Variants in HEATR5A observed in about 807,000 individuals in gnomAD.
HEATR5A encodes the protein HEAT repeat containing 5A.
In HEATR5A, 178 loss-of-function variants were observed where a neutral mutation model predicts 218.8. The observed-to-expected ratio is 0.81, with a 90% CI of 0.72 to 0.92. The LOEUF (loss-of-function observed/expected upper bound fraction) is 0.92. Among genes scored for constraint, HEATR5A ranks in the 40% least tolerant of loss-of-function variants. The pLI is 0.00. For missense variants in HEATR5A, 2,420 were observed against 2,418.9 expected, an observed-to-expected ratio of 1.00 and a Z score of -0.01; for synonymous variants, 864 against 871.6, an observed-to-expected ratio of 0.99 and a Z score of 0.15.
chr14:31,398,577 T>C (rs2030748356), intron 4 of HEATR5A, 96 bp downstream of exon 4: 2 of 632,892 alleles, frequency 3.2e-6, no homozygotes, highest in Non-Finnish European at 2.7e-6. Flanking sequence ...TATCTACATA[T>C]GCTTGACATA....
chr14:31,294,242 C>T, intron 34 of HEATR5A, 138 bp from the exon 35 acceptor site: 1 of 624,458 alleles, frequency 1.6e-6, no homozygotes, highest in Non-Finnish European at 2.8e-6. Flanking sequence ...GTCCAAGGGC[C>T]AACAGGTAAT....
Position 31,321,618 on chromosome 14 carries a change from G to A in HEATR5A, c.3850C>T (p.His1284Tyr). 6.2e-7 allele frequency: 1 copy of A among 1,610,162 alleles called. No individual in the cohort carries two copies. Among genetic ancestry groups the A allele is most frequent in the Non-Finnish European group, 8.5e-7 (1 of 1,178,404 alleles). The change falls in exon 25 of 36, where the codon CAC becomes TAC. Residue 1284 changes from histidine to tyrosine, a missense_variant. By Grantham distance (83) the His-to-Tyr change is moderately conservative. Transcript: ENST00000543095. ...CCAGAAAGACGGAGCTGGTCACTGT[G>A]ATCTGTGGCAGCCATAAAAGCCATG... is the stretch of plus-strand genomic sequence containing the variant. ...IRMAFMAATD[H>Y]SDQLRLSGLE...
intron 13 of HEATR5A, among the ~76,000 whole-genome samples, chr14:31,365,169 G>T (rs988413174): frequency 6.6e-6 from 1 of 151,964 alleles, no homozygotes; most frequent in South Asian, 2.1e-4. Flanking sequence ...CACTGCACCC[G>T]GCCAGGACTA....
At chr14:31,351,519 A>AAAC (rs980513520) in intron 16 of HEATR5A, among the ~76,000 whole-genome samples, 1 of 152,172 alleles carries the variant, frequency 6.6e-6, no homozygotes, top group Non-Finnish European at 1.5e-5. Context: ...AAAAAAAAAA[A>AAAC]AACAATAAAA....
intron 1 of HEATR5A, among the ~76,000 whole-genome samples, chr14:31,414,755 A>T (rs2031390346): frequency 6.6e-6 from 1 of 152,124 alleles, no homozygotes; most frequent in African/African-American, 2.4e-5. Flanking sequence ...CTTACATCCC[A>T]GTTAGAATTC....
intron 22 of HEATR5A, among the ~76,000 whole-genome samples, chr14:31,336,239 T>TAC (rs2139192182): frequency 8.2e-6 from 1 of 121,730 alleles, no homozygotes; most frequent in South Asian, 2.5e-4. Flanking sequence ...TATATATATA[T>TAC]ATATATATAT....
intron 22 of HEATR5A, among the ~76,000 whole-genome samples, chr14:31,334,150 GAA>G (rs35291926): frequency 0.033 from 4,931 of 149,766 alleles, 257 homozygotes; most frequent in African/African-American, 0.11. Context: ...TTACTGCTCA[GAA>G]AAAAAAAAAG....
chr14:31,377,933 G>A (rs1025953706), intron 11 of HEATR5A, among the ~76,000 whole-genome samples: 7 of 152,086 alleles, frequency 4.6e-5, no homozygotes, highest in African/African-American at 9.7e-5. Context: ...TGCATATGCC[G>A]TAAAATATGA....
chr14:31,300,141 T>C lies in HEATR5A; in HGVS notation c.5464+2154A>G, dbSNP rs539751243. 2.0e-5 allele frequency among the ~76,000 whole-genome samples: 3 copies of C among 152,218 alleles called. No individual in the cohort carries two copies. In the South Asian group the frequency reaches 6.2e-4, roughly 32 times the overall value. ...TGGCCCCATGTACCATCCAACTTCA[T>C]TTCTTTCCCTACTAATTGCCATTCA... is the stretch of plus-strand genomic sequence containing the variant. On this transcript the variant is annotated intron_variant, in intron 33 of 35. Transcript: ENST00000543095.
intron 22 of HEATR5A, among the ~76,000 whole-genome samples, chr14:31,336,263 T>A (rs12886123): frequency 5.7e-4 from 69 of 121,652 alleles, no homozygotes; most frequent in Middle Eastern, 4.3e-3. Flanking sequence ...TATATATATA[T>A]AATTTTTAAA....
In HEATR5A at chr14:31,324,972, T is replaced by C. The variant is rs78776391; in HGVS notation, c.3548-1168A>G. 7.2e-3 allele frequency among the ~76,000 whole-genome samples: 1,100 copies of C among 152,246 alleles called. 11 individuals are homozygous for C. Among genetic ancestry groups the C allele is most frequent in the African/African-American group, 0.025 (1,058 of 41,554 alleles). On this transcript the variant is annotated intron_variant, in intron 23 of 35. Transcript: ENST00000543095. ...GTTAACTTTTCTCCTATCACACAATTCAGACATGAGAGCTACATTAAATTC... is the reference window on the plus strand; with the variant it reads ...GTTAACTTTTCTCCTATCACACAATCCAGACATGAGAGCTACATTAAATTC...
At chr14:31,379,376 G>A (rs1032144138) in intron 11 of HEATR5A, among the ~76,000 whole-genome samples, 3 of 151,398 alleles carry the variant, frequency 2.0e-5, no homozygotes, top group Non-Finnish European at 2.9e-5. Context: ...TCAGCTTCCC[G>A]AGTAGCTGGG....
Position 31,337,523 on chromosome 14 carries a change from TCTGAAACTTCAGCTG to T in HEATR5A, c.3305_3319del (p.Ala1102_Ser1106del). 6.4e-7 allele frequency: 1 copy of T among 1,562,370 alleles called. No homozygotes were observed. Among genetic ancestry groups the T allele is most frequent in the Non-Finnish European group, 8.7e-7 (1 of 1,152,676 alleles). On this transcript the variant is annotated inframe_deletion, in exon 22 of 36. Coordinates refer to ENST00000543095, the MANE Select transcript of HEATR5A (RefSeq NM_015473.4). Reference sequence around the variant, plus strand: ...ATCCTTAGCAAGCATAACAGCATGTTCTGAAACTTCAGCTGCTTCTCTTTGTACAAGCTGACGTAA... The same window carrying T: ...ATCCTTAGCAAGCATAACAGCATGTTCTTCTCTTTGTACAAGCTGACGTAA...
At chr14:31,323,843 GAA>G (rs1162362326) in intron 23 of HEATR5A, 39 bp from the exon 24 acceptor site, 1 of 1,265,956 alleles carries the variant, frequency 7.9e-7, no homozygotes, top group Non-Finnish European at 1.1e-6. Context: ...ATAATCAACT[GAA>G]AGATATATAT....
intron 21 of HEATR5A, among the ~76,000 whole-genome samples, chr14:31,343,675 CA>C (rs1450999507): frequency 6.6e-6 from 1 of 152,046 alleles, no homozygotes; most frequent in Non-Finnish European, 1.5e-5. Context: ...TTCCAAATAT[CA>C]AGTACAACAA....
In HEATR5A at chr14:31,313,234, G is replaced by A. The variant is rs766008405; in HGVS notation, c.4219-44C>T. The A allele has an allele frequency of 2.1e-6, 3 of 1,442,826 alleles. No homozygotes were observed. In the South Asian group the frequency reaches 3.6e-5, roughly 17 times the overall value. The allele number at this position is 1,442,826 out of a possible 1,614,324, so 89.4% of individuals were successfully genotyped here. ...AAAACAGGAAAATCTTTTATCTGCT[G>A]AAAAGGTGCTATAAAATTTTTATAT... On this transcript the variant is annotated intron_variant, in intron 27 of 35. Coordinates refer to ENST00000543095, the MANE Select transcript of HEATR5A (RefSeq NM_015473.4).
chr14:31,417,153 TA>T (rs1349693025), intron 1 of HEATR5A, among the ~76,000 whole-genome samples: 1 of 152,036 alleles, frequency 6.6e-6, no homozygotes, highest in Admixed American at 6.6e-5. Context: ...AATGGCATAG[TA>T]AAAAGAGAGA....
chr14:31,408,627 C>T (rs952160705), intron 1 of HEATR5A, among the ~76,000 whole-genome samples: 1 of 151,884 alleles, frequency 6.6e-6, no homozygotes, highest in Non-Finnish European at 1.5e-5. Context: ...AACTTAAGTA[C>T]CAGTCTTCAA....
intron 6 of HEATR5A, among the ~76,000 whole-genome samples, chr14:31,391,067 T>A (rs10151694): frequency 0.082 from 10,568 of 128,976 alleles, 880 homozygotes; most frequent in African/African-American, 0.24. Flanking sequence ...TTAAAAAAAA[T>A]TTTTTTAATA....
Sources: gnomAD v4.1 joint callset for allele counts (sites outside exome capture counted in the v4.1 genomes callset) on GRCh38, gnomAD v4.1.1 for gene constraint, MANE v1.5 for transcripts, NCBI Gene and HGNC (gene_info 2026-07-23, HGNC 2026-07-21) for gene names.